The following PDE1C variants were observed in gnomAD, a reference collection of about 807,000 sequenced individuals.
PDE1C encodes the protein dual specificity calcium/calmodulin-dependent 3',5'-cyclic nucleotide phosphodiesterase 1C.
PDE1C carries 62 observed loss-of-function variants against 93.1 expected under a neutral mutation model. The ratio of observed to expected loss-of-function variants is 0.67; its 90% CI spans 0.54 to 0.82. PDE1C has a LOEUF of 0.82. Ranked by LOEUF, PDE1C falls within the 40% of genes least tolerant of loss-of-function variation. The pLI is 0.00. For synonymous variants in PDE1C, 325 were observed against 310.1 expected, an observed-to-expected ratio of 1.05 and a Z score of -0.50; for missense variants, 742 against 884.6, an observed-to-expected ratio of 0.84 and a Z score of 2.04.
In PDE1C at chr7:32,420,613, G is replaced by A. The variant is rs929952556; in HGVS notation, c.310+7209C>T. On this transcript the variant is annotated intron_variant, in intron 1 of 1. Transcript: ENST00000672256. The stretch of plus-strand genomic sequence containing the variant: ...GTCTTAGCTACCTCAAAGGTTTGTC[G>A]TGAGATTTGAGTAAGATTGTAATTG... Among the ~76,000 whole-genome samples, 8 of 151,128 alleles carry A rather than the reference G, an allele frequency of 5.3e-5. No individual in the cohort carries two copies. The East Asian group carries it at 9.8e-4, about 19-fold the overall frequency.
chr7:32,070,220 G>GTGAC, intron 1 of PDE1C, 73 bp downstream of exon 1: 1 of 1,602,368 alleles, frequency 6.2e-7, no homozygotes, highest in Admixed American at 1.7e-5. Flanking sequence ...GTGAGCAGTC[G>GTGAC]TGACTGCGGC....
chr7:32,221,833 A>G (rs1009533521), intron 1 of PDE1C, among the ~76,000 whole-genome samples: 5 of 152,186 alleles, frequency 3.3e-5, no homozygotes, highest in Non-Finnish European at 5.9e-5. Flanking sequence ...GGCATATCCA[A>G]TGCAGAGGGT....
At chr7:31,754,109 C>G (rs1439968486) in intron 17 of PDE1C, among the ~76,000 whole-genome samples, 2 of 152,130 alleles carry the variant, frequency 1.3e-5, no homozygotes, top group African/African-American at 4.8e-5. Context: ...AGACTTCACA[C>G]CAAGGAAGAT....
chr7:32,310,038 A>G (rs1352136590), intron 1 of PDE1C, among the ~76,000 whole-genome samples: 4 of 152,172 alleles, frequency 2.6e-5, no homozygotes, highest in African/African-American at 9.7e-5. Context: ...TAGGCTCAAA[A>G]TAAAAGGATG....
the PDE1C span, among the ~76,000 whole-genome samples, chr7:31,735,246 A>G: frequency 1.3e-5 from 2 of 152,186 alleles, no homozygotes; most frequent in Non-Finnish European, 2.9e-5. Flanking sequence ...TAAAGATACA[A>G]AATTAGCCAG....
At chr7:32,114,503 G>A (rs1022099365) in intron 3 of PDE1C, among the ~76,000 whole-genome samples, 1 of 152,018 alleles carries the variant, frequency 6.6e-6, no homozygotes, top group East Asian at 1.9e-4. Context: ...AAAGCCCAAA[G>A]CCATAAAAGC....
intron 1 of PDE1C, among the ~76,000 whole-genome samples, chr7:32,270,290 T>C (rs1464691502): frequency 6.6e-6 from 1 of 151,782 alleles, no homozygotes; most frequent in Non-Finnish European, 1.5e-5. Context: ...TTTCCTTCTT[T>C]CTTTTTTTTT....
intron 3 of PDE1C, among the ~76,000 whole-genome samples, chr7:32,138,219 TCTTA>T (rs1800315446): frequency 6.6e-6 from 1 of 152,170 alleles, no homozygotes; most frequent in South Asian, 2.1e-4. Flanking sequence ...CAAGCTGAGT[TCTTA>T]CTTTATTAAA....
the PDE1C span, among the ~76,000 whole-genome samples, chr7:31,715,816 G>T: frequency 3.3e-5 from 5 of 152,130 alleles, no homozygotes; most frequent in African/African-American, 1.2e-4. Flanking sequence ...GAGGTAAACA[G>T]GTCTGAGACT....
chr7:32,261,248 C>A (rs1387518687), intron 1 of PDE1C, among the ~76,000 whole-genome samples: 2 of 152,062 alleles, frequency 1.3e-5, no homozygotes, highest in Admixed American at 6.6e-5. Flanking sequence ...ATTTTGCAGA[C>A]CCCCACACTT....
At chr7:32,320,075 A>C (rs1436046343) in intron 1 of PDE1C, among the ~76,000 whole-genome samples, 1 of 152,186 alleles carries the variant, frequency 6.6e-6, no homozygotes, top group Non-Finnish European at 1.5e-5. Flanking sequence ...TTCAGTGAAC[A>C]TTAATTTGTC....
chr7:32,264,903 CTT>C (rs1436652158), intron 1 of PDE1C, among the ~76,000 whole-genome samples: 1 of 152,224 alleles, frequency 6.6e-6, no homozygotes, highest in African/African-American at 2.4e-5. Context: ...CAAACAGATC[CTT>C]TTTTGTTCCC....
the PDE1C span, among the ~76,000 whole-genome samples, chr7:31,645,826 G>A: frequency 6.6e-6 from 1 of 152,138 alleles, no homozygotes; most frequent in Non-Finnish European, 1.5e-5. Flanking sequence ...CTAAAATACA[G>A]AGAACAGCCA....
the PDE1C span, among the ~76,000 whole-genome samples, chr7:31,709,764 A>G: frequency 6.6e-6 from 1 of 152,220 alleles, no homozygotes; most frequent in Non-Finnish European, 1.5e-5. Flanking sequence ...GGCCAGGTAA[A>G]GTAGAAATTT....
intron 3 of PDE1C, among the ~76,000 whole-genome samples, chr7:32,160,630 C>A (rs974572043): frequency 6.6e-6 from 1 of 151,968 alleles, no homozygotes; most frequent in African/African-American, 2.4e-5. Flanking sequence ...TCACTTGAGG[C>A]CAGAAGTTCA....
chr7:32,009,036 C>A (rs1411796398), intron 2 of PDE1C, among the ~76,000 whole-genome samples: 1 of 152,170 alleles, frequency 6.6e-6, no homozygotes, highest in Non-Finnish European at 1.5e-5. Flanking sequence ...ATGGCAGATT[C>A]TGCCCAAAAT....
At chr7:31,775,829 G>T in intron 16 of PDE1C, 97 bp from the exon 17 acceptor site, 1 of 1,040,792 alleles carries the variant, frequency 9.6e-7, no homozygotes, top group Non-Finnish European at 1.5e-6. Context: ...GTTGGGGTCT[G>T]AAAACAATGT....
At chr7:32,086,058 C>A (rs1423823498) in intron 3 of PDE1C, among the ~76,000 whole-genome samples, 2 of 151,498 alleles carry the variant, frequency 1.3e-5, no homozygotes, top group Admixed American at 1.3e-4. Context: ...AAGAGGAAGT[C>A]AAATTGTCCC....
intron 3 of PDE1C, among the ~76,000 whole-genome samples, chr7:32,094,033 G>T (rs1463599273): frequency 6.6e-6 from 1 of 152,236 alleles, no homozygotes; most frequent in Non-Finnish European, 1.5e-5. Flanking sequence ...GCAGGAATGT[G>T]TGAGCCACTC....
Sources: allele counts gnomAD v4.1 joint callset (sites outside exome capture counted in the v4.1 genomes callset), GRCh38; gene constraint gnomAD v4.1.1; transcripts MANE v1.5; gene names NCBI Gene and HGNC (gene_info 2026-07-23, HGNC 2026-07-21).